Variants in CRIM1 observed in about 807,000 individuals in gnomAD.
The protein encoded by CRIM1 is cysteine-rich motor neuron 1 protein.
In CRIM1, 32 loss-of-function variants were observed where a neutral mutation model predicts 116.4. The ratio of observed to expected loss-of-function variants is 0.27; its 90% CI spans 0.21 to 0.37. CRIM1 has a LOEUF of 0.37. CRIM1 is among the 10% of genes least tolerant of loss of function. The pLI, the probability that CRIM1 is intolerant of heterozygous loss-of-function variation, is 1.00. For missense variants in CRIM1, 1,331 were observed against 1,354.8 expected (o/e 0.98, Z 0.28); for synonymous variants, 590 against 509.2 (o/e 1.16, Z -2.13).
intron 4 of CRIM1, among the ~76,000 whole-genome samples, chr2:36,455,442 T>TGAGG (rs1205803308): frequency 6.6e-6 from 1 of 152,208 alleles, no homozygotes; most frequent in Non-Finnish European, 1.5e-5. Context: ...AGGCTACAAT[T>TGAGG]GAGGCTTAGA....
intron 5 of CRIM1, among the ~76,000 whole-genome samples, chr2:36,472,756 A>G (rs1678633644): frequency 6.6e-6 from 1 of 152,132 alleles, no homozygotes. Context: ...GTTAGAGTAC[A>G]GTATTTTGCC....
intron 4 of CRIM1, among the ~76,000 whole-genome samples, chr2:36,451,446 G>A (rs189377950): frequency 6.6e-6 from 1 of 152,242 alleles, no homozygotes; most frequent in Non-Finnish European, 1.5e-5. Context: ...ACCTCAAAAA[G>A]CACATATACA....
chr2:36,528,609 A>C (rs770681854), intron 13 of CRIM1, among the ~76,000 whole-genome samples: 1 of 152,194 alleles, frequency 6.6e-6, no homozygotes. Context: ...TCATAGGGAG[A>C]TGTATACCTC....
chr2:36,488,154 T>A (rs1679971349), intron 7 of CRIM1, among the ~76,000 whole-genome samples: 1 of 152,222 alleles, frequency 6.6e-6, no homozygotes, highest in African/African-American at 2.4e-5. Flanking sequence ...AGTGAGTCAC[T>A]GTTAAACCCC....
intron 2 of CRIM1, among the ~76,000 whole-genome samples, chr2:36,415,279 C>G (rs1303596129): frequency 1.3e-5 from 2 of 152,138 alleles, no homozygotes; most frequent in East Asian, 3.9e-4. Context: ...TGAGAGTATA[C>G]TGGAGGCAGA....
chr2:36,380,719 G>A (rs1033789895), intron 1 of CRIM1, among the ~76,000 whole-genome samples: 4 of 152,142 alleles, frequency 2.6e-5, no homozygotes, highest in Non-Finnish European at 4.4e-5. Context: ...ATTTCTGTTC[G>A]TTAGCCAAAA....
intron 1 of CRIM1, among the ~76,000 whole-genome samples, chr2:36,383,167 G>T (rs1339366926): frequency 6.6e-6 from 1 of 152,172 alleles, no homozygotes; most frequent in Non-Finnish European, 1.5e-5. Flanking sequence ...TCTGTAGCAT[G>T]TGGAAAAAGG....
chr2:36,534,349 A>G (rs1294950375), intron 13 of CRIM1, among the ~76,000 whole-genome samples: 2 of 103,286 alleles, frequency 1.9e-5, no homozygotes, highest in Non-Finnish European at 3.7e-5. Context: ...AGGGAGGAGG[A>G]GGGAAGGAAA....
At chr2:36,415,598 A>G (rs1036267081) in intron 2 of CRIM1, among the ~76,000 whole-genome samples, 4 of 152,116 alleles carry the variant, frequency 2.6e-5, no homozygotes, top group Admixed American at 2.6e-4. Flanking sequence ...CACTACATGC[A>G]TCTACTATTT....
intron 16 of CRIM1, among the ~76,000 whole-genome samples, 184 bp downstream of exon 16, chr2:36,547,355 C>G (rs1021844977): frequency 1.6e-4 from 24 of 152,168 alleles, no homozygotes; most frequent in African/African-American, 5.5e-4. Flanking sequence ...CTGGACTGAT[C>G]ACAAGGTGAA....
At chr2:36,376,032 G>C (rs539840707) in intron 1 of CRIM1, among the ~76,000 whole-genome samples, 1 of 152,262 alleles carries the variant, frequency 6.6e-6, no homozygotes, top group Non-Finnish European at 1.5e-5. Context: ...GAATAAAGAG[G>C]TGTAAGGCAA....
At chr2:36,368,533 C>T (rs1052657200) in intron 1 of CRIM1, among the ~76,000 whole-genome samples, 5 of 152,208 alleles carry the variant, frequency 3.3e-5, no homozygotes, top group African/African-American at 7.2e-5. Flanking sequence ...ATGCCCAGCA[C>T]GGCTTCCAGT....
chr2:36,434,162 A>G (rs184380979), intron 2 of CRIM1, among the ~76,000 whole-genome samples: 1 of 152,364 alleles, frequency 6.6e-6, no homozygotes, highest in Non-Finnish European at 1.5e-5. Context: ...GGGATGACAT[A>G]CGTATTACAT....
Position 36,522,249 on chromosome 2 carries a change from C to G in CRIM1, c.2364C>G (p.Ser788=), listed in dbSNP as rs1192951597. Reference sequence around the variant, plus strand: ...GCGTAATTAGCTGTTTCTCTGAGTCCTGCCCTTCTGTATCCTGTGAAAGAC... The same window carrying G: ...GCGTAATTAGCTGTTTCTCTGAGTCGTGCCCTTCTGTATCCTGTGAAAGAC... ...IDSVISCFSE[S]CPSVSCERPV... The change falls in exon 13 of 17, where the codon TCC becomes TCG. Residue 788 remains serine, a synonymous_variant. Coordinates refer to ENST00000280527, the MANE Select transcript of CRIM1 (RefSeq NM_016441.3). 1.2e-6 allele frequency: 2 copies of G among 1,614,054 alleles called. No homozygotes were observed. The highest frequency in any genetic ancestry group is 4.5e-5 in the East Asian group (2 of 44,896).
At chr2:36,451,431 C>T (rs1442017652) in intron 4 of CRIM1, among the ~76,000 whole-genome samples, 1 of 152,132 alleles carries the variant, frequency 6.6e-6, no homozygotes, top group African/African-American at 2.4e-5. Context: ...ACTGAGAAAT[C>T]AAGGACCTCA....
At chr2:36,398,350 A>C (rs1023632501) in intron 2 of CRIM1, among the ~76,000 whole-genome samples, 1 of 152,182 alleles carries the variant, frequency 6.6e-6, no homozygotes, top group Non-Finnish European at 1.5e-5. Context: ...TTTGAGATGC[A>C]GCAGATTTTG....
chr2:36,492,196 A>G (rs1429072110), intron 7 of CRIM1, among the ~76,000 whole-genome samples: 3 of 152,342 alleles, frequency 2.0e-5, no homozygotes, highest in South Asian at 4.1e-4. Flanking sequence ...TTTTCCGATC[A>G]CAAAATAATA....
At chr2:36,366,731 C>G (rs1046170884) in intron 1 of CRIM1, among the ~76,000 whole-genome samples, 1 of 152,222 alleles carries the variant, frequency 6.6e-6, no homozygotes, top group Non-Finnish European at 1.5e-5. Context: ...TATTTAGCTT[C>G]TTATCCAAAG....
chr2:36,399,210 T>TA (rs1258406506), intron 2 of CRIM1, among the ~76,000 whole-genome samples: 2 of 152,160 alleles, frequency 1.3e-5, no homozygotes. Flanking sequence ...AGCCGGGTAA[T>TA]ATGAGCAATC....
Sources: allele counts gnomAD v4.1 joint callset (sites outside exome capture counted in the v4.1 genomes callset), GRCh38; gene constraint gnomAD v4.1.1; transcripts MANE v1.5; gene names NCBI Gene and HGNC (gene_info 2026-07-23, HGNC 2026-07-21).